PDZD2: variants seen among roughly 807,000 people sequenced by gnomAD.
PDZD2 encodes PDZ domain containing 2.
Under a neutral mutation model 220.7 loss-of-function variants are expected in PDZD2, and 90 were observed. The observed-to-expected ratio is 0.41, with a 90% CI of 0.34 to 0.49. PDZD2 has a LOEUF of 0.49. PDZD2 is among the 20% of genes least tolerant of loss of function. The pLI, the probability that PDZD2 is intolerant of heterozygous loss-of-function variation, is 0.28. For missense variants in PDZD2, 3,174 were observed against 3,608.5 expected, an observed-to-expected ratio of 0.88 and a Z score of 3.08; for synonymous variants, 1,375 against 1,450.5, an observed-to-expected ratio of 0.95 and a Z score of 1.18.
At position 31,923,417 on chromosome 5, in the gene PDZD2, C is replaced by T. The variant is rs116345950; in HGVS notation, c.477-59738C>T. On this transcript the variant is annotated intron_variant, in intron 2 of 24. Coordinates refer to ENST00000438447, the MANE Select transcript of PDZD2 (RefSeq NM_178140.4). ...AGCAGAGACTGCAGCAGCTCTTCAA[C>T]GGGGGCCAGTTTGCCATCCACTTGG... 642 of 1,248,786 alleles carry T rather than the reference C, an allele frequency of 5.1e-4. 3 individuals are homozygous for T. In the African/African-American group the frequency reaches 8.3e-3, roughly 16 times the overall value. 77.4% of individuals were successfully genotyped at this position (1,248,786 alleles called of 1,614,324 possible). A position where few individuals can be genotyped will look rare whatever the true frequency, so the allele number is the denominator to read the frequency against.
chr5:31,701,362 A>T (rs1561392356), intron 1 of PDZD2, among the ~76,000 whole-genome samples: 1 of 151,886 alleles, frequency 6.6e-6, no homozygotes, highest in Non-Finnish European at 1.5e-5. Context: ...ATGCCCAGCT[A>T]ATTTTTTTGT....
At chr5:32,025,880 G>A (rs770595277) in intron 6 of PDZD2, among the ~76,000 whole-genome samples, 2 of 152,034 alleles carry the variant, frequency 1.3e-5, no homozygotes, top group African/African-American at 2.4e-5. Context: ...GACTGCAGGC[G>A]TGAGCCAACA....
At chr5:31,878,665 A>G (rs890377247) in intron 2 of PDZD2, among the ~76,000 whole-genome samples, 2 of 139,102 alleles carry the variant, frequency 1.4e-5, no homozygotes, top group African/African-American at 5.3e-5. Flanking sequence ...GGTTCACGCC[A>G]TTCTCCTGCC....
At chr5:31,759,305 G>GCTCTT in intron 1 of PDZD2, among the ~76,000 whole-genome samples, 1 of 152,282 alleles carries the variant, frequency 6.6e-6, no homozygotes, top group East Asian at 1.9e-4. Flanking sequence ...CACACACCCG[G>GCTCTT]CTCTTCGAGG....
intron 2 of PDZD2, among the ~76,000 whole-genome samples, chr5:31,883,940 C>T (rs548966198): frequency 3.2e-4 from 49 of 152,218 alleles, no homozygotes; most frequent in South Asian, 2.5e-3. Flanking sequence ...AGGCCGGGCG[C>T]GGTGGCTCCC....
chr5:31,781,373 C>T (rs1423721437), intron 1 of PDZD2, among the ~76,000 whole-genome samples: 5 of 152,182 alleles, frequency 3.3e-5, no homozygotes, highest in African/African-American at 1.2e-4. Flanking sequence ...GAGATTGTGC[C>T]ACTGCACTCC....
At chr5:31,838,690 C>G (rs1757089820) in intron 2 of PDZD2, among the ~76,000 whole-genome samples, 1 of 152,186 alleles carries the variant, frequency 6.6e-6, no homozygotes, top group Admixed American at 6.5e-5. Flanking sequence ...TTTTCATTGA[C>G]TTAGTAGAGT....
At position 32,098,418 on chromosome 5, in the gene PDZD2, G is replaced by C. The variant is rs779737696; in HGVS notation, c.8002G>C (p.Gly2668Arg). The change falls in exon 23 of 25, where the codon GGG becomes CGG. Residue 2668 changes from glycine (G) to arginine (R), a missense_variant. Gly to Arg is a moderately radical substitution (Grantham distance 125, BLOSUM62 -2). Coordinates refer to ENST00000438447, the MANE Select transcript of PDZD2 (RefSeq NM_178140.4). The surrounding 1 kb of genome is among the most constrained non-coding windows in gnomAD (Gnocchi z 4.1). ...TTCTCAGGAAGGGACTATGAACCGA[G>C]GGGATTTCCTTCTGTCAGTCAACGG... ...AASQEGTMNR[G>R]DFLLSVNGAS... is the part of the protein sequence containing the mutation. 1.9e-6 allele frequency: 3 copies of C among 1,614,180 alleles called. No individual in the cohort carries two copies. Among genetic ancestry groups the C allele is most frequent in the Non-Finnish European group, 2.5e-6 (3 of 1,180,022 alleles).
chr5:31,805,847 T>G (rs1426465846), intron 2 of PDZD2, among the ~76,000 whole-genome samples: 1 of 152,134 alleles, frequency 6.6e-6, no homozygotes, highest in East Asian at 1.9e-4. Flanking sequence ...AAAGGGCAAA[T>G]TCGGTCACAG....
At chr5:31,693,239 A>T (rs1460426003) in intron 1 of PDZD2, among the ~76,000 whole-genome samples, 2 of 60,352 alleles carry the variant, frequency 3.3e-5, no homozygotes, top group East Asian at 7.7e-4. Context: ...GTGGGAAAGC[A>T]CTTTTTTTTT....
chr5:31,647,909 C>T (rs1165967071), intron 1 of PDZD2, among the ~76,000 whole-genome samples: 1 of 152,184 alleles, frequency 6.6e-6, no homozygotes, highest in Non-Finnish European at 1.5e-5. Flanking sequence ...TTACACACAG[C>T]AGCCTGGCTC....
At chr5:32,065,618 G>A (rs898104765) in intron 14 of PDZD2, among the ~76,000 whole-genome samples, 11 of 152,256 alleles carry the variant, frequency 7.2e-5, no homozygotes, top group Non-Finnish European at 1.3e-4. Flanking sequence ...CAACAACAGT[G>A]CTGGGACAAA....
chr5:31,852,301 G>C (rs1374417568), intron 2 of PDZD2, among the ~76,000 whole-genome samples: 2 of 151,990 alleles, frequency 1.3e-5, no homozygotes, highest in Non-Finnish European at 2.9e-5. Flanking sequence ...TTATTTTTGA[G>C]ACTGAGCATT....
intron 1 of PDZD2, among the ~76,000 whole-genome samples, chr5:31,791,360 G>A (rs188306802): frequency 2.3e-3 from 344 of 152,088 alleles, no homozygotes; most frequent in African/African-American, 7.9e-3. Flanking sequence ...GGAGGCCGAC[G>A]CGGGCAGATC....
chr5:31,891,666 T>G (rs909128108), intron 2 of PDZD2, among the ~76,000 whole-genome samples: 1 of 152,104 alleles, frequency 6.6e-6, no homozygotes, highest in Non-Finnish European at 1.5e-5. Context: ...GGCAGGGTAC[T>G]GAGCCACCGA....
In PDZD2 at chr5:32,001,015, A is replaced by C. The variant is rs114115479; in HGVS notation, c.1254+744A>C. On this transcript the variant is annotated intron_variant, in intron 5 of 24. Coordinates refer to ENST00000438447, the MANE Select transcript of PDZD2 (RefSeq NM_178140.4). ...CATAGGAATGCGAGCCCTATTGTGA[A>C]CCGCACACGCAACAGATCTAGGTTG... Among the ~76,000 whole-genome samples, 182 of 152,230 alleles carry C rather than the reference A, an allele frequency of 1.2e-3. 1 individual carries two copies. Among genetic ancestry groups the C allele is most frequent in the African/African-American group, 4.3e-3 (178 of 41,550 alleles).
chr5:31,924,323 G>A (rs1191833693), intron 2 of PDZD2, among the ~76,000 whole-genome samples: 1 of 152,222 alleles, frequency 6.6e-6, no homozygotes, highest in Admixed American at 6.5e-5. Flanking sequence ...GGTGGACTGT[G>A]CTAGAATGTA....
chr5:31,992,888 C>T (rs116282915), intron 3 of PDZD2, among the ~76,000 whole-genome samples: 3,836 of 149,312 alleles, frequency 0.026, 75 homozygotes, highest in Non-Finnish European at 0.037. Context: ...AAGCCACCAT[C>T]CTACTCTCGC....
intron 1 of PDZD2, among the ~76,000 whole-genome samples, chr5:31,771,582 T>C (rs1459598150): frequency 2.0e-5 from 3 of 152,190 alleles, no homozygotes; most frequent in Non-Finnish European, 4.4e-5. Context: ...ACAGGAGGTC[T>C]AACTCAAAAA....
Sources: allele counts gnomAD v4.1 joint callset (sites outside exome capture counted in the v4.1 genomes callset), GRCh38; gene constraint gnomAD v4.1.1; non-coding constraint Gnocchi (gnomAD v3.1); transcripts MANE v1.5; gene names NCBI Gene and HGNC (gene_info 2026-07-23, HGNC 2026-07-21).